ERC2: variants seen among roughly 807,000 people sequenced by gnomAD.
The protein encoded by ERC2 is ERC protein 2.
In ERC2, 42 loss-of-function variants were observed where a neutral mutation model predicts 114.8. The ratio of observed to expected loss-of-function variants is 0.37; its 90% CI spans 0.29 to 0.47. ERC2 has a LOEUF of 0.47. Ranked by LOEUF, ERC2 falls within the 20% of genes least tolerant of loss-of-function variation. ERC2 has a pLI of 0.99. For missense variants in ERC2, 939 were observed against 1,150.7 expected (o/e 0.82, Z 2.66); for synonymous variants, 454 against 425.5 (o/e 1.07, Z -0.82).
At chr3:56,365,797 A>G (rs2059127800) in intron 2 of ERC2, among the ~76,000 whole-genome samples, 1 of 152,244 alleles carries the variant, frequency 6.6e-6, no homozygotes, top group Non-Finnish European at 1.5e-5. Context: ...AAGCCTGTCT[A>G]GCCTGCAAAG....
At chr3:56,102,807 T>C (rs531702706) in intron 6 of ERC2, among the ~76,000 whole-genome samples, 1 of 152,318 alleles carries the variant, frequency 6.6e-6, no homozygotes, top group African/African-American at 2.4e-5. Flanking sequence ...AGCTGGTATA[T>C]TTTTGAACTT....
chr3:55,920,096 C>T (rs2065328635), intron 13 of ERC2, among the ~76,000 whole-genome samples: 1 of 151,656 alleles, frequency 6.6e-6, no homozygotes, highest in Admixed American at 6.6e-5. Flanking sequence ...ATTAGTATGG[C>T]CGGATGCACA....
chr3:55,676,800 G>A (rs2061835745), intron 17 of ERC2, among the ~76,000 whole-genome samples: 1 of 152,102 alleles, frequency 6.6e-6, no homozygotes, highest in South Asian at 2.1e-4. Flanking sequence ...TGCTCCCTGT[G>A]CGCCAGCCCT....
intron 14 of ERC2, among the ~76,000 whole-genome samples, chr3:55,794,403 C>T (rs1575616993): frequency 6.6e-6 from 1 of 152,198 alleles, no homozygotes; most frequent in South Asian, 2.1e-4. Context: ...GGAATTATTT[C>T]CTCAGGTTTT....
chr3:56,014,758 T>C (rs916595264), intron 8 of ERC2, among the ~76,000 whole-genome samples: 1 of 152,196 alleles, frequency 6.6e-6, no homozygotes, highest in African/African-American at 2.4e-5. Context: ...TTTACTTCTG[T>C]GAATTTTAAG....
In ERC2 at chr3:55,772,419, A is replaced by G. The variant is rs544978348; in HGVS notation, c.2565-37501T>C. ...AAGCTCCGCCTCCCGGGTTCATGCC[A>G]TTCTCCTGCCTCAGCCCCCTGAGTA... is the stretch of plus-strand genomic sequence containing the variant. On this transcript the variant is annotated intron_variant, in intron 14 of 17. Coordinates refer to ENST00000288221, the MANE Select transcript of ERC2 (RefSeq NM_015576.3). Among the ~76,000 whole-genome samples, 698 of 151,658 alleles carry G rather than the reference A, an allele frequency of 4.6e-3. 4 individuals carry two copies. Among genetic ancestry groups the G allele is most frequent in the African/African-American group, 0.016 (656 of 41,338 alleles).
chr3:56,410,604 G>A (rs1433361449), intron 2 of ERC2, among the ~76,000 whole-genome samples: 1 of 152,080 alleles, frequency 6.6e-6, no homozygotes, highest in African/African-American at 2.4e-5. Context: ...GAGTTTTCTG[G>A]GGGGGTTGTT....
intron 2 of ERC2, among the ~76,000 whole-genome samples, chr3:56,417,156 T>G (rs2061197102): frequency 6.6e-6 from 1 of 152,202 alleles, no homozygotes; most frequent in South Asian, 2.1e-4. Flanking sequence ...CTGGTTGGAT[T>G]AATATATATA....
At chr3:55,654,649 G>A (rs78275846) in intron 17 of ERC2, among the ~76,000 whole-genome samples, 94 of 152,286 alleles carry the variant, frequency 6.2e-4, no homozygotes, top group Non-Finnish European at 1.1e-3. Context: ...AGGCAAGCGC[G>A]GCCAGCAGAC....
At chr3:55,723,673 A>G (rs1040815394) in intron 15 of ERC2, among the ~76,000 whole-genome samples, 5 of 152,184 alleles carry the variant, frequency 3.3e-5, no homozygotes, top group African/African-American at 1.2e-4. Flanking sequence ...AGGGTGAAAA[A>G]TCCTTTTCCT....
chr3:55,903,618 T>C (rs546108267), intron 13 of ERC2, among the ~76,000 whole-genome samples: 6 of 152,356 alleles, frequency 3.9e-5, no homozygotes, highest in South Asian at 4.1e-4. Context: ...GTAATAATTA[T>C]ACATATATCG....
chr3:56,186,945 G>A (rs1015229557), intron 3 of ERC2, among the ~76,000 whole-genome samples: 7 of 152,170 alleles, frequency 4.6e-5, no homozygotes, highest in African/African-American at 1.7e-4. Context: ...GAGAAGCAGA[G>A]CCTGAGACAA....
At chr3:56,279,010 G>A (rs1047338889) in intron 3 of ERC2, among the ~76,000 whole-genome samples, 1 of 152,180 alleles carries the variant, frequency 6.6e-6, no homozygotes, top group African/African-American at 2.4e-5. Flanking sequence ...GGCAGAAATG[G>A]TAATTTCCTG....
In ERC2 at chr3:56,014,328, G is replaced by A. The variant is rs369800752; in HGVS notation, c.1780-3739C>T. Among the ~76,000 whole-genome samples, 9 of 152,078 alleles carry A rather than the reference G, an allele frequency of 5.9e-5. No individual in the cohort carries two copies. In the East Asian group the frequency reaches 7.7e-4, roughly 13 times the overall value. ...TGTTCCCTCCCTGGCCCTTCTAGTC[G>A]TCTAAGTTCTCAACTCCTCATCTGT... On this transcript the variant is annotated intron_variant, in intron 8 of 17. Coordinates refer to ENST00000288221, the MANE Select transcript of ERC2 (RefSeq NM_015576.3).
intron 13 of ERC2, among the ~76,000 whole-genome samples, chr3:55,908,628 G>A (rs2064612024): frequency 6.6e-6 from 1 of 152,168 alleles, no homozygotes; most frequent in Admixed American, 6.5e-5. Flanking sequence ...CAGCTGGCCG[G>A]TCACTCTCTT....
At chr3:55,987,471 C>A (rs2070726635) in intron 11 of ERC2, among the ~76,000 whole-genome samples, 1 of 152,220 alleles carries the variant, frequency 6.6e-6, no homozygotes, top group Non-Finnish European at 1.5e-5. Context: ...ATATAGCCAT[C>A]TGCCACTTGT....
intron 13 of ERC2, among the ~76,000 whole-genome samples, chr3:55,904,179 T>G (rs1488699209): frequency 6.6e-6 from 1 of 152,200 alleles, no homozygotes; most frequent in Non-Finnish European, 1.5e-5. Flanking sequence ...AGGAACTGTG[T>G]GGAATAGGTG....
intron 15 of ERC2, among the ~76,000 whole-genome samples, chr3:55,727,358 G>A (rs938327819): frequency 1.3e-5 from 2 of 152,142 alleles, no homozygotes; most frequent in African/African-American, 2.4e-5. Context: ...CGAAGTAAAA[G>A]TATCAGAGGT....
At chr3:55,711,778 G>T (rs924049994) in intron 15 of ERC2, among the ~76,000 whole-genome samples, 1 of 152,168 alleles carries the variant, frequency 6.6e-6, no homozygotes, top group Non-Finnish European at 1.5e-5. Context: ...GAACAGCTTT[G>T]CTTGTCCTAA....
Sources: gnomAD v4.1 joint callset for allele counts (sites outside exome capture counted in the v4.1 genomes callset) on GRCh38, gnomAD v4.1.1 for gene constraint, MANE v1.5 for transcripts, NCBI Gene and HGNC (gene_info 2026-07-23, HGNC 2026-07-21) for gene names.